RB1: variants seen among roughly 807,000 people sequenced by gnomAD.
RB1 encodes RB transcriptional corepressor 1.
A neutral mutation model predicts 135.4 loss-of-function variants in RB1; 18 were observed. That is an observed-to-expected ratio of 0.13 (90% confidence interval 0.09 to 0.20). The LOEUF (loss-of-function observed/expected upper bound fraction) is 0.20, where lower values mean the gene tolerates loss of function less well. RB1 is among the 10% of genes least tolerant of loss of function. RB1 has a pLI of 1.00. For missense variants in RB1, 868 were observed against 1,110.0 expected, an observed-to-expected ratio of 0.78 and a Z score of 3.10; for synonymous variants, 365 against 373.2, an observed-to-expected ratio of 0.98 and a Z score of 0.25.
intron 2 of RB1, among the ~76,000 whole-genome samples, chr13:48,314,910 C>G (rs900943753): frequency 1.6e-4 from 25 of 152,174 alleles, no homozygotes; most frequent in Non-Finnish European, 3.5e-4. Flanking sequence ...GTATTTGCTA[C>G]TTCGTATCCT....
chr13:48,429,248 C>G (rs149850182), intron 17 of RB1: 1 of 152,108 alleles, frequency 6.6e-6, no homozygotes, highest in Non-Finnish European at 1.5e-5. Context: ...GAGGGGGCAA[C>G]GTAAGAAACT....
At chr13:48,328,182 G>A in intron 2 of RB1, 1 of 1,468,432 alleles carries the variant, frequency 6.8e-7, no homozygotes, top group Non-Finnish European at 9.5e-7. Flanking sequence ...GAAGGAGTTT[G>A]GTCCAGCTGA....
chr13:48,394,540 G>C (rs1001250451), intron 17 of RB1, among the ~76,000 whole-genome samples: 13 of 152,178 alleles, frequency 8.5e-5, no homozygotes, highest in Admixed American at 7.9e-4. Context: ...GTCTGAGGTC[G>C]ACCTGGGATG....
At chr13:48,339,990 G>T (rs1261647561) in intron 2 of RB1, among the ~76,000 whole-genome samples, 1 of 152,312 alleles carries the variant, frequency 6.6e-6, no homozygotes, top group East Asian at 1.9e-4. Context: ...TAATCCAGAA[G>T]TAGACCCACA....
chr13:48,399,840 A>G (rs528421179), intron 17 of RB1, among the ~76,000 whole-genome samples: 1 of 151,990 alleles, frequency 6.6e-6, no homozygotes, highest in African/African-American at 2.4e-5. Context: ...TCTTTTCTCT[A>G]TGTATCTATA....
intron 6 of RB1, among the ~76,000 whole-genome samples, chr13:48,359,472 G>T (rs904036508): frequency 6.8e-6 from 1 of 147,518 alleles, no homozygotes; most frequent in African/African-American, 2.5e-5. Flanking sequence ...TAGATAATGA[G>T]AATTAATTGA....
chr13:48,314,645 CA>C (rs1400607507), intron 2 of RB1, among the ~76,000 whole-genome samples: 2 of 151,430 alleles, frequency 1.3e-5, no homozygotes, highest in African/African-American at 4.9e-5. Context: ...ACTAAAAATA[CA>C]AAAAATTAGC....
intron 6 of RB1, among the ~76,000 whole-genome samples, chr13:48,355,772 C>G (rs1184894938): frequency 1.3e-5 from 2 of 152,024 alleles, no homozygotes; most frequent in Non-Finnish European, 2.9e-5. Context: ...TTTGCGACAA[C>G]ATAGATGGAC....
chr13:48,358,015 A>T (rs188289395), intron 6 of RB1, among the ~76,000 whole-genome samples: 118 of 152,240 alleles, frequency 7.8e-4, no homozygotes, highest in Non-Finnish European at 1.4e-3. Flanking sequence ...GGGAAAGTGT[A>T]ATCCCCCAAT....
intron 17 of RB1, among the ~76,000 whole-genome samples, chr13:48,407,648 A>C (rs899378937): frequency 6.6e-6 from 1 of 152,192 alleles, no homozygotes; most frequent in African/African-American, 2.4e-5. Context: ...TTTAGATATT[A>C]ATGTGTGTTC....
At chr13:48,417,930 G>T (rs933530075) in intron 17 of RB1, among the ~76,000 whole-genome samples, 5 of 152,204 alleles carry the variant, frequency 3.3e-5, no homozygotes, top group African/African-American at 1.2e-4. Context: ...GTGACAGGGA[G>T]AATTGAACCA....
chr13:48,439,899 T>C (rs1437378029), intron 17 of RB1: 1 of 152,070 alleles, frequency 6.6e-6, no homozygotes, highest in Non-Finnish European at 1.5e-5. Context: ...TATATCAGAA[T>C]TAGAAAAATG....
At position 48,465,318 on chromosome 13, in the gene RB1, T is replaced by C. The variant is rs774744607; in HGVS notation, c.2439T>C (p.Tyr813=). 6.2e-7 allele frequency: 1 copy of C among 1,611,548 alleles called. No homozygotes were observed. The highest frequency in any genetic ancestry group is 8.5e-7 in the Non-Finnish European group (1 of 1,177,672). ...ATATTTCACCCCTGAAGAGTCCATA[T>C]AAAATTTCAGAAGGTCTGCCAACAC... ...NIYISPLKSP[Y]KISEGLPTPT... The change falls in exon 23 of 27, where the codon TAT becomes TAC. Residue 813 remains tyrosine, a synonymous_variant. Transcript: ENST00000267163.
chr13:48,464,957 A>ACTTTTTTTTTTTTT, intron 21 of RB1, 41 bp from the exon 22 acceptor site: 1 of 1,136,274 alleles, frequency 8.8e-7, no homozygotes, highest in Non-Finnish European at 1.2e-6. Context: ...AGTAAATTTT[A>ACTTTTTTTTTTTTT]CTTTTTTTTT....
chr13:48,381,586 A>T, intron 17 of RB1, 143 bp downstream of exon 17: 1 of 826,662 alleles, frequency 1.2e-6, no homozygotes, highest in Non-Finnish European at 2.0e-6. Context: ...TAGCCCAAGG[A>T]TCAAGTGGAA....
At chr13:48,423,337 C>T (rs999345136) in intron 17 of RB1, among the ~76,000 whole-genome samples, 5 of 151,912 alleles carry the variant, frequency 3.3e-5, no homozygotes, top group Non-Finnish European at 5.9e-5. Context: ...TGCAGTGGCG[C>T]GATCTCGGCT....
intron 18 of RB1, among the ~76,000 whole-genome samples, chr13:48,453,837 C>T (rs909627405): frequency 1.3e-5 from 2 of 152,066 alleles, no homozygotes; most frequent in Non-Finnish European, 2.9e-5. Context: ...CTGAGTGAAT[C>T]GACATTTTAC....
intron 17 of RB1, among the ~76,000 whole-genome samples, chr13:48,389,091 C>T (rs1158679127): frequency 1.3e-5 from 2 of 151,850 alleles, no homozygotes; most frequent in African/African-American, 2.4e-5. Flanking sequence ...GCCCGGGAGG[C>T]GGAGGTTGAG....
At position 48,329,829 on chromosome 13, in the gene RB1, G is replaced by A. The variant is rs570135627; in HGVS notation, c.265-12770G>A. Among the ~76,000 whole-genome samples, 8 of 152,222 alleles carry A rather than the reference G, an allele frequency of 5.3e-5. No individual in the cohort carries two copies. In the South Asian group the frequency reaches 1.0e-3, roughly 20 times the overall value. On this transcript the variant is annotated intron_variant, in intron 2 of 26. Transcript: ENST00000267163. ...GTCAGCAAGATGGTGGAATAGTAGC[G>A]CTGTCCTTCAGAAACACCAATTTTG...
Sources: allele counts gnomAD v4.1 joint callset (sites outside exome capture counted in the v4.1 genomes callset), GRCh38; gene constraint gnomAD v4.1.1; transcripts MANE v1.5; gene names NCBI Gene and HGNC (gene_info 2026-07-23, HGNC 2026-07-21).